Variants in MARK2 observed in about 807,000 individuals in gnomAD.
The protein encoded by MARK2 is serine/threonine-protein kinase MARK2.
A neutral mutation model predicts 89.8 loss-of-function variants in MARK2; 16 were observed. The ratio of observed to expected loss-of-function variants is 0.18; its 90% CI spans 0.12 to 0.27. MARK2 has a LOEUF of 0.27. Ranked by LOEUF, MARK2 falls within the 10% of genes least tolerant of loss-of-function variation. MARK2 has a pLI of 1.00. For missense variants in MARK2, 621 were observed against 1,049.9 expected, an observed-to-expected ratio of 0.59 and a Z score of 5.65; for synonymous variants, 382 against 399.5, an observed-to-expected ratio of 0.96 and a Z score of 0.52.
intron 1 of MARK2, among the ~76,000 whole-genome samples, chr11:63,867,050 A>C (rs1301712396): frequency 3.3e-5 from 5 of 152,212 alleles, no homozygotes; most frequent in African/African-American, 4.8e-5. Flanking sequence ...TTATTGAGAC[A>C]GGGTCTCATT....
chr11:63,888,163 A>C (rs899532573), intron 1 of MARK2, among the ~76,000 whole-genome samples: 1 of 152,080 alleles, frequency 6.6e-6, no homozygotes, highest in African/African-American at 2.4e-5. Context: ...AAGGTTAAGC[A>C]CTGCTTTTTT....
In MARK2 at chr11:63,839,536, G is replaced by A; in HGVS notation, c.30G>A (p.Thr10=). The change falls in exon 1 of 19, where the codon ACG becomes ACA. Residue 10 remains threonine, a synonymous_variant. Transcript: ENST00000402010. ...CCAGCGCTCGGACCCCCCTACCCAC[G>A]CTGAACGAGAGGGACACGGAGCAGG... is the stretch of plus-strand genomic sequence containing the variant. MSSARTPLP[T]LNERDTEQPT... is the part of the protein sequence containing the mutation. The A allele has an allele frequency of 6.5e-7, 1 of 1,532,218 alleles. No homozygotes were observed. 94.9% of individuals were successfully genotyped at this position (1,532,218 alleles called of 1,614,324 possible).
intron 1 of MARK2, among the ~76,000 whole-genome samples, chr11:63,858,071 GGGTGGAGTGC>G (rs935040471): frequency 3.9e-5 from 6 of 152,202 alleles, no homozygotes; most frequent in Admixed American, 3.9e-4. Context: ...TTGTCACCCA[GGGTGGAGTGC>G]AGTGGCACCA....
At chr11:63,857,106 C>T (rs1274302640) in intron 1 of MARK2, among the ~76,000 whole-genome samples, 2 of 150,710 alleles carry the variant, frequency 1.3e-5, no homozygotes, top group East Asian at 2.0e-4. Context: ...CCACCACGCC[C>T]GGCCTAAATT....
chr11:63,901,664 C>T (rs2134219157), intron 11 of MARK2, among the ~76,000 whole-genome samples: 1 of 144,212 alleles, frequency 6.9e-6, no homozygotes, highest in South Asian at 2.2e-4. Flanking sequence ...TTGCTTCTGT[C>T]TAGTGCTTTA....
rs1468332923 is a variant in MARK2 at position 63,900,795 on chromosome 11, C to G, written c.904C>G (p.Arg302Gly). 2 of 1,614,098 alleles carry G rather than the reference C, an allele frequency of 1.2e-6. No individual in the cohort carries two copies. Among genetic ancestry groups the G allele is most frequent in the Middle Eastern group, 1.6e-4 (1 of 6,062 alleles). The change falls in exon 10 of 19, where the codon CGA (arginine) becomes GGA (glycine). Residue 302 changes from arginine (R) to glycine (G), a missense_variant. Coordinates refer to ENST00000402010, the MANE Select transcript of MARK2 (RefSeq NM_001039469.3). The surrounding 1 kb of genome is among the most constrained non-coding windows in gnomAD (Gnocchi z 4.7). ...RGTLEQIMKDRWMNVGHEDDE... is the reference protein window; with the variant it reads ...RGTLEQIMKDGWMNVGHEDDE... ...TGCTCCCCAGCAAATCATGAAAGAT[C>G]GATGGATGAATGTGGGTCACGAAGA... is the stretch of plus-strand genomic sequence containing the variant.
intron 1 of MARK2, among the ~76,000 whole-genome samples, chr11:63,867,910 G>A (rs113400103): frequency 1.3e-5 from 2 of 152,106 alleles, no homozygotes; most frequent in African/African-American, 4.8e-5. Flanking sequence ...CATAACTTCA[G>A]TTCGTGGATT....
chr11:63,890,315 A>G (rs780014521), intron 1 of MARK2: 3 of 1,324,008 alleles, frequency 2.3e-6, no homozygotes, highest in South Asian at 1.2e-5. Flanking sequence ...GGAAGGATTG[A>G]GCACTTGGAG....
intron 1 of MARK2, among the ~76,000 whole-genome samples, chr11:63,853,259 C>T (rs528894694): frequency 3.3e-5 from 5 of 152,030 alleles, no homozygotes; most frequent in Non-Finnish European, 7.4e-5. Context: ...ATTAGCCAGG[C>T]GTGGTGGCGC....
chr11:63,895,665 T>C, intron 3 of MARK2, 32 bp downstream of exon 3: 1 of 315,204 alleles, frequency 3.2e-6, no homozygotes, highest in Non-Finnish European at 4.7e-6. Context: ...TCCCTTTTTT[T>C]TTTTTTTTTT....
intron 1 of MARK2, among the ~76,000 whole-genome samples, chr11:63,874,777 G>T (rs973971596): frequency 6.6e-6 from 1 of 152,142 alleles, no homozygotes. Context: ...CAGCATCAGC[G>T]TTAGATACCA....
intron 1 of MARK2, among the ~76,000 whole-genome samples, chr11:63,852,002 G>C (rs767804198): frequency 1.3e-5 from 2 of 152,148 alleles, no homozygotes. Context: ...GTGATCTAGA[G>C]ACCCTCAGAC....
Position 63,906,109 on chromosome 11 carries a change from C to T in MARK2, c.1956C>T (p.Ala652=). Residue 652 remains alanine, a synonymous_variant, in exon 17 of 19, where the codon GCC becomes GCT. Transcript: ENST00000402010. ...TTAGAAATCTGTCTTTCAGGTTTGC[C>T]AGAAGGTAGGCGTTGAGCCCGCTGT... The part of the protein sequence containing the change: ...FVRRNLSFRF[A]RRNLNEPESK... 1 of 1,338,340 alleles carries T rather than the reference C, an allele frequency of 7.5e-7. No homozygotes were observed. Among genetic ancestry groups the T allele is most frequent in the Non-Finnish European group, 9.6e-7 (1 of 1,041,170 alleles). 82.9% of individuals were successfully genotyped at this position (1,338,340 alleles called of 1,614,324 possible).
At chr11:63,856,956 C>T (rs1389383568) in intron 1 of MARK2, among the ~76,000 whole-genome samples, 3 of 150,920 alleles carry the variant, frequency 2.0e-5, no homozygotes, top group Non-Finnish European at 4.4e-5. Context: ...GGACTACAGG[C>T]GCCCCCCACC....
At chr11:63,877,977 T>C (rs1170286118) in intron 1 of MARK2, among the ~76,000 whole-genome samples, 1 of 152,242 alleles carries the variant, frequency 6.6e-6, no homozygotes, top group Non-Finnish European at 1.5e-5. Flanking sequence ...CTGGCCAGGA[T>C]ACCTGCCCAG....
chr11:63,859,425 A>T (rs779248919), intron 1 of MARK2, among the ~76,000 whole-genome samples: 1 of 151,350 alleles, frequency 6.6e-6, no homozygotes, highest in African/African-American at 2.4e-5. Context: ...GGTTCAAGCA[A>T]TTCTCCTGCC....
intron 1 of MARK2, among the ~76,000 whole-genome samples, chr11:63,870,327 G>A (rs1030210330): frequency 9.9e-5 from 15 of 152,152 alleles, no homozygotes; most frequent in Admixed American, 8.5e-4. Flanking sequence ...TCCCACCTGG[G>A]TTCCCAGAGT....
At chr11:63,892,209 A>G (rs1390402622) in intron 1 of MARK2, among the ~76,000 whole-genome samples, 1 of 152,170 alleles carries the variant, frequency 6.6e-6, no homozygotes, top group Non-Finnish European at 1.5e-5. Flanking sequence ...CCCTTCAAAC[A>G]TCTACCAAAT....
chr11:63,876,555 G>A (rs1429136727), intron 1 of MARK2, among the ~76,000 whole-genome samples: 1 of 152,238 alleles, frequency 6.6e-6, no homozygotes, highest in Admixed American at 6.5e-5. Context: ...AACAGAATGG[G>A]TAGCCGTGGC....
Sources: gnomAD v4.1 joint callset for allele counts (sites outside exome capture counted in the v4.1 genomes callset) on GRCh38, gnomAD v4.1.1 for gene constraint, Gnocchi (gnomAD v3.1) non-coding constraint, MANE v1.5 for transcripts, NCBI Gene and HGNC (gene_info 2026-07-23, HGNC 2026-07-21) for gene names.